The following MYCBP2 variants were observed in gnomAD, a reference collection of about 807,000 sequenced individuals.
MYCBP2 encodes the protein MYC binding protein 2.
In MYCBP2, 120 loss-of-function variants were observed where a neutral mutation model predicts 525.3. The observed-to-expected ratio is 0.23, with a 90% confidence interval of 0.20 to 0.27. The LOEUF is 0.27. MYCBP2 is among the 10% of genes least tolerant of loss of function. The pLI is 1.00. For synonymous variants in MYCBP2, 1,894 were observed against 1,955.8 expected (o/e 0.97, Z 0.83); for missense variants, 4,149 against 5,657.1 (o/e 0.73, Z 8.55).
rs1439555939 is a variant in MYCBP2, at chr13:77,144,580, A to G, written c.7188-20T>C. 6.5e-6 allele frequency: 10 copies of G among 1,536,566 alleles called. No homozygotes were observed. In the Admixed American group the frequency reaches 1.7e-4, roughly 26 times the overall value. ...CTGGGTCTGAAAAGAAATAAGATGG[A>G]TATTGGAAATTTTACTTTTGGTTAA... is the stretch of plus-strand genomic sequence containing the variant. On this transcript the variant is annotated intron_variant, in intron 48 of 82. Transcript: ENST00000544440.
intron 15 of MYCBP2, among the ~76,000 whole-genome samples, chr13:77,250,238 AT>A (rs200679589): frequency 3.3e-5 from 5 of 151,970 alleles, no homozygotes; most frequent in African/African-American, 1.2e-4. Context: ...AAAAAAAAAA[AT>A]CATATCTCAG....
chr13:77,157,202 C>T (rs1466874453), intron 45 of MYCBP2, among the ~76,000 whole-genome samples: 1 of 152,162 alleles, frequency 6.6e-6, no homozygotes, highest in African/African-American at 2.4e-5. Flanking sequence ...CCTCAGCCTC[C>T]AAGAAGCTGG....
chr13:77,287,130 G>A (rs1388465898), intron 3 of MYCBP2, among the ~76,000 whole-genome samples: 82 of 149,706 alleles, frequency 5.5e-4, no homozygotes, highest in East Asian at 2.8e-3. Context: ...CTCGTGATCC[G>A]CCCGCCTTGG....
chr13:77,147,401 C>T (rs539852912), intron 47 of MYCBP2, among the ~76,000 whole-genome samples: 3 of 152,184 alleles, frequency 2.0e-5, no homozygotes, highest in Admixed American at 2.0e-4. Flanking sequence ...GCTGTAGGTA[C>T]ATGAAACTTG....
chr13:77,174,183 AAGT>A, intron 37 of MYCBP2, 125 bp downstream of exon 37: 1 of 649,276 alleles, frequency 1.5e-6, no homozygotes, highest in Non-Finnish European at 2.4e-6. Context: ...GAATTTGTAC[AAGT>A]ATGTGCTAAG....
rs558294307 is a variant in MYCBP2 at position 77,110,275 on chromosome 13, G to A, written c.8140+11098C>T. On this transcript the variant is annotated intron_variant, in intron 55 of 82. Transcript: ENST00000544440. ...CATTCCTGGGGGGAGGTCTATAAAC[G>A]GCTGCTCTGGGAGTGTCTGTCTTAT... 4.6e-5 allele frequency among the ~76,000 whole-genome samples: 7 copies of A among 152,188 alleles called. No individual in the cohort carries two copies. In the East Asian group the frequency reaches 1.2e-3, roughly 25 times the overall value.
At chr13:77,082,018 A>T (rs1476543253) in intron 63 of MYCBP2, 25 bp from the exon 64 acceptor site, 4 of 1,599,668 alleles carry the variant, frequency 2.5e-6, no homozygotes, top group Non-Finnish European at 3.4e-6. Context: ...TATAAGCAAT[A>T]TACGAAATAA....
At chr13:77,089,437 T>C (rs1251895495) in intron 60 of MYCBP2, among the ~76,000 whole-genome samples, 1 of 152,126 alleles carries the variant, frequency 6.6e-6, no homozygotes, top group Non-Finnish European at 1.5e-5. Flanking sequence ...TGGACAATCT[T>C]CAATAATGTT....
intron 80 of MYCBP2, among the ~76,000 whole-genome samples, chr13:77,052,498 T>C (rs551026917): frequency 1.3e-5 from 2 of 152,342 alleles, no homozygotes; most frequent in East Asian, 3.9e-4. Context: ...ATGCCTGGCC[T>C]AAAGCTATTT....
intron 17 of MYCBP2, among the ~76,000 whole-genome samples, chr13:77,241,964 A>AC (rs1292952136): frequency 6.6e-6 from 1 of 152,166 alleles, no homozygotes; most frequent in Non-Finnish European, 1.5e-5. Context: ...TCTAATCAAA[A>AC]TTTTGCCTAT....
chr13:77,279,131 A>G (rs1171333391), intron 3 of MYCBP2, among the ~76,000 whole-genome samples: 1 of 152,222 alleles, frequency 6.6e-6, no homozygotes, highest in Non-Finnish European at 1.5e-5. Context: ...AGTTCATTTG[A>G]TTGTACTCAA....
chr13:77,132,963 T>C (rs546115231), intron 52 of MYCBP2, among the ~76,000 whole-genome samples: 1 of 152,318 alleles, frequency 6.6e-6, no homozygotes, highest in South Asian at 2.1e-4. Context: ...AATCAAAGAA[T>C]AACTCATGTC....
At chr13:77,104,387 C>T (rs2047544441) in intron 55 of MYCBP2, among the ~76,000 whole-genome samples, 1 of 151,986 alleles carries the variant, frequency 6.6e-6, no homozygotes, top group Non-Finnish European at 1.5e-5. Flanking sequence ...TGAACAGGAA[C>T]AAAGTCCCTA....
At chr13:77,104,776 G>A (rs1046283249) in intron 55 of MYCBP2, among the ~76,000 whole-genome samples, 1 of 152,118 alleles carries the variant, frequency 6.6e-6, no homozygotes, top group Non-Finnish European at 1.5e-5. Context: ...GACTACAGCA[G>A]TTTCCGAGGA....
At chr13:77,068,470 T>C (rs2040570849) in intron 70 of MYCBP2, 95 bp downstream of exon 70, 1 of 1,402,594 alleles carries the variant, frequency 7.1e-7, no homozygotes, top group Non-Finnish European at 9.6e-7. Flanking sequence ...TAAAAATCTA[T>C]ACTTAGGGTC....
chr13:77,205,951 TAATC>T (rs1324413565), intron 24 of MYCBP2, among the ~76,000 whole-genome samples: 1 of 152,146 alleles, frequency 6.6e-6, no homozygotes, highest in Non-Finnish European at 1.5e-5. Context: ...CACACAAACT[TAATC>T]AACACTAGTT....
intron 2 of MYCBP2, among the ~76,000 whole-genome samples, chr13:77,292,644 G>A (rs1441416000): frequency 3.9e-5 from 6 of 152,086 alleles, no homozygotes; most frequent in Non-Finnish European, 1.5e-5. Context: ...AGGGTTATAG[G>A]GAGGGATGGA....
At chr13:77,191,898 A>G in intron 27 of MYCBP2, 85 bp from the exon 28 acceptor site, 1 of 1,311,338 alleles carries the variant, frequency 7.6e-7, no homozygotes, top group Non-Finnish European at 1.1e-6. Flanking sequence ...CTTGTGAACA[A>G]AAACATGAAA....
chr13:77,179,629 T>C (rs934474330), intron 34 of MYCBP2, among the ~76,000 whole-genome samples: 4 of 152,250 alleles, frequency 2.6e-5, no homozygotes, highest in African/African-American at 7.2e-5. Context: ...TTTTATATTA[T>C]GTATATTTTA....
Sources: gnomAD v4.1 joint callset for allele counts (sites outside exome capture counted in the v4.1 genomes callset) on GRCh38, gnomAD v4.1.1 for gene constraint, MANE v1.5 for transcripts, NCBI Gene and HGNC (gene_info 2026-07-23, HGNC 2026-07-21) for gene names.